The following DOP1B variants were observed in gnomAD, a reference collection of about 807,000 sequenced individuals.
The protein encoded by DOP1B is protein DOP1B.
A neutral mutation model predicts 233.5 loss-of-function variants in DOP1B; 174 were observed. The ratio of observed to expected loss-of-function variants is 0.75; its 90% CI spans 0.66 to 0.85. The LOEUF (loss-of-function observed/expected upper bound fraction) is 0.85, where lower values mean the gene tolerates loss of function less well. Among genes scored for constraint, DOP1B ranks in the 40% least tolerant of loss-of-function variants. DOP1B has a pLI of 0.00. For synonymous variants in DOP1B, 1,190 were observed against 1,185.6 expected (o/e 1.00, Z -0.08); for missense variants, 2,652 against 2,846.6 (o/e 0.93, Z 1.56).
At chr21:36,214,610 C>T (rs1414366752) in intron 9 of DOP1B, 54 bp downstream of exon 9, 3 of 1,442,768 alleles carry the variant, frequency 2.1e-6, no homozygotes, top group Non-Finnish European at 2.9e-6. Context: ...TACCTGTTTT[C>T]AGGGAAATAC....
intron 15 of DOP1B, among the ~76,000 whole-genome samples, chr21:36,236,550 G>A (rs2066829010): frequency 6.6e-6 from 1 of 152,158 alleles, no homozygotes; most frequent in African/African-American, 2.4e-5. Flanking sequence ...GGGTACATCT[G>A]TGCATTCCCC....
chr21:36,192,900 A>G (rs1333928217), intron 2 of DOP1B, among the ~76,000 whole-genome samples: 1 of 151,940 alleles, frequency 6.6e-6, no homozygotes, highest in Non-Finnish European at 1.5e-5. Flanking sequence ...TGTGTTAGCC[A>G]GGATGGTCTT....
At chr21:36,241,281 G>A (rs1030441379) in intron 18 of DOP1B, among the ~76,000 whole-genome samples, 14 of 151,456 alleles carry the variant, frequency 9.2e-5, no homozygotes, top group Non-Finnish European at 1.8e-4. Flanking sequence ...GCAAAAGAGT[G>A]AGACTCCATC....
chr21:36,203,908 T>C (rs1049882514), intron 4 of DOP1B, among the ~76,000 whole-genome samples: 3 of 151,606 alleles, frequency 2.0e-5, no homozygotes, highest in African/African-American at 7.3e-5. Flanking sequence ...ATGAAATAGC[T>C]ACATAGCTGT....
chr21:36,173,703 G>A (rs966918773), intron 2 of DOP1B, among the ~76,000 whole-genome samples: 13 of 152,128 alleles, frequency 8.5e-5, no homozygotes, highest in East Asian at 7.7e-4. Flanking sequence ...GATTACAGGC[G>A]TGAGCCGCCG....
Position 36,292,256 on chromosome 21 carries a change from C to CTTTTCT in DOP1B, c.6645+27_6645+28insCTTTTT, listed in dbSNP as rs2067568388. The CTTTTCT allele has an allele frequency of 3.0e-6, 4 of 1,335,524 alleles. No individual in the cohort carries two copies. The African/African-American group carries it at 4.8e-5, about 16-fold the overall frequency. 82.7% of individuals were successfully genotyped at this position (1,335,524 alleles called of 1,614,324 possible). On this transcript the variant is annotated intron_variant, in intron 36 of 36. Coordinates refer to ENST00000691173, the MANE Select transcript of DOP1B (RefSeq NM_001320714.2). ...GGGGTAAGTGCTTTTCTTTTCTTTT[C>CTTTTCT]TTTTTTTTTTTTTTTGGTGAGACAG...
intron 4 of DOP1B, among the ~76,000 whole-genome samples, chr21:36,204,136 G>T (rs1342595553): frequency 6.6e-6 from 1 of 152,108 alleles, no homozygotes; most frequent in Non-Finnish European, 1.5e-5. Flanking sequence ...TGTCACAACT[G>T]GGGGTGGGGA....
At chr21:36,283,873 T>C (rs1190827604) in intron 32 of DOP1B, among the ~76,000 whole-genome samples, 1 of 151,560 alleles carries the variant, frequency 6.6e-6, no homozygotes, top group Non-Finnish European at 1.5e-5. Context: ...AAGGAGAGCA[T>C]ATTGGGCAAT....
chr21:36,198,436 A>G (rs542946637), intron 2 of DOP1B, among the ~76,000 whole-genome samples: 7 of 151,796 alleles, frequency 4.6e-5, no homozygotes, highest in African/African-American at 1.7e-4. Flanking sequence ...CTCACAAAAA[A>G]AAAAAAGAAA....
intron 2 of DOP1B, among the ~76,000 whole-genome samples, chr21:36,189,115 A>G (rs1476802421): frequency 2.6e-5 from 4 of 152,188 alleles, no homozygotes; most frequent in Non-Finnish European, 5.9e-5. Context: ...GGGGACTGTC[A>G]TACTGTCAGG....
In DOP1B at chr21:36,276,480, A is replaced by G. The variant is rs146502813; in HGVS notation, c.5633-541A>G. 4.4e-3 allele frequency among the ~76,000 whole-genome samples: 674 copies of G among 152,244 alleles called. 7 individuals are homozygous for G. The highest frequency in any genetic ancestry group is 0.015 in the African/African-American group (644 of 41,562). On this transcript the variant is annotated intron_variant, in intron 27 of 36. Transcript: ENST00000691173. Reference sequence around the variant, plus strand: ...TGGGAGGTCAAGGATAGAGTGAGCCATGATCATGCCACTGCACTCCAGCTT... The same window carrying G: ...TGGGAGGTCAAGGATAGAGTGAGCCGTGATCATGCCACTGCACTCCAGCTT...
intron 2 of DOP1B, among the ~76,000 whole-genome samples, chr21:36,193,499 C>CCCTAGGCTTTATGAGCTG (rs1004612200): frequency 3.3e-5 from 5 of 152,196 alleles, no homozygotes; most frequent in South Asian, 2.1e-4. Context: ...ATCTTGATCT[C>CCCTAGGCTTTATGAGCTG]CCTAGGCTTT....
At chr21:36,212,502 G>A (rs906258585) in intron 7 of DOP1B, among the ~76,000 whole-genome samples, 3 of 152,336 alleles carry the variant, frequency 2.0e-5, no homozygotes, top group Middle Eastern at 3.4e-3. Context: ...TTTTGTGTAA[G>A]TGTAAATGTT....
At chr21:36,292,392 G>A (rs911782121) in intron 36 of DOP1B, among the ~76,000 whole-genome samples, 159 bp downstream of exon 36, 17 of 150,874 alleles carry the variant, frequency 1.1e-4, no homozygotes, top group Non-Finnish European at 2.4e-4. Context: ...GAGTAGCTGG[G>A]ATTACAGGAA....
chr21:36,240,806 C>A (rs1410095859), intron 18 of DOP1B, among the ~76,000 whole-genome samples: 1 of 152,170 alleles, frequency 6.6e-6, no homozygotes, highest in East Asian at 1.9e-4. Context: ...TTAATGACTT[C>A]ACAATTTTCT....
chr21:36,249,322 G>A (rs2067006938), intron 21 of DOP1B, among the ~76,000 whole-genome samples: 1 of 152,180 alleles, frequency 6.6e-6, no homozygotes, highest in Admixed American at 6.5e-5. Context: ...GAGCTACTCA[G>A]GAGGCCGAGG....
In DOP1B at chr21:36,263,617, A is replaced by G. The variant is rs750352634; in HGVS notation, c.5387A>G (p.Asn1796Ser). Reference protein sequence around the residue: ...LGVLKESVQLNLAPPGYFLLL... With the variant: ...LGVLKESVQLSLAPPGYFLLL... The stretch of plus-strand genomic sequence containing the variant: ...GTATTGAAAGAGTCTGTACAGTTGA[A>G]TCTAGCCCCACCTGGGTATTTTCTG... Residue 1796 changes from asparagine (N) to serine (S), a missense_variant, in exon 25 of 37, where the codon AAT becomes AGT. Around this residue, in one of 3 missense-constraint regions of DOP1B, gnomAD observed 2,617 missense variants for 2,794.3 expected, o/e 0.94. Transcript: ENST00000691173. The G allele has an allele frequency of 6.2e-7, 1 of 1,614,182 alleles. No individual in the cohort carries two copies. Among genetic ancestry groups the G allele is most frequent in the Non-Finnish European group, 8.5e-7 (1 of 1,180,046 alleles).
Position 36,271,301 on chromosome 21 carries a change from A to C in DOP1B, c.5632+1144A>C, listed in dbSNP as rs144910639. On this transcript the variant is annotated intron_variant, in intron 27 of 36. Coordinates refer to ENST00000691173, the MANE Select transcript of DOP1B (RefSeq NM_001320714.2). ...AGTTCACCCAGGTTGGAGTTCACCC[A>C]GGTTGGAGTTCACCCAGGTTGGAGT... Among the ~76,000 whole-genome samples the C allele has an allele frequency of 9.4e-3, 1,253 of 132,614 alleles. 30 individuals are homozygous for C. Among genetic ancestry groups the C allele is most frequent in the African/African-American group, 0.043 (1,195 of 28,048 alleles). The allele number at this position is 132,614 out of a possible 152,430, so 87.0% of individuals were successfully genotyped here.
intron 22 of DOP1B, among the ~76,000 whole-genome samples, chr21:36,252,869 G>T (rs1028270313): frequency 2.6e-5 from 4 of 152,156 alleles, no homozygotes; most frequent in Admixed American, 6.5e-5. Context: ...TCCTGCAGGG[G>T]TCGGCTTACC....
Sources: allele counts gnomAD v4.1 joint callset (sites outside exome capture counted in the v4.1 genomes callset), GRCh38; gene constraint gnomAD v4.1.1; regional missense constraint gnomAD v4.1.1; transcripts MANE v1.5; gene names NCBI Gene and HGNC (gene_info 2026-07-23, HGNC 2026-07-21).